CA10: variants seen among roughly 807,000 people sequenced by gnomAD.
CA10 encodes the protein carbonic anhydrase 10 (inactive), also known as carbonic anhydrase-related protein 10.
Under a neutral mutation model 44.2 loss-of-function variants are expected in CA10, and 14 were observed. The observed-to-expected ratio is 0.32, with a 90% CI of 0.21 to 0.50. The LOEUF is 0.50. Among genes scored for constraint, CA10 ranks in the 20% least tolerant of loss-of-function variants. The pLI is 0.99. For synonymous variants in CA10, 159 were observed against 141.6 expected (o/e 1.12, Z -0.87); for missense variants, 350 against 409.7 (o/e 0.85, Z 1.26).
intron 1 of CA10, among the ~76,000 whole-genome samples, chr17:52,152,507 A>G (rs1056558408): frequency 2.6e-5 from 4 of 152,040 alleles, no homozygotes; most frequent in African/African-American, 9.7e-5. Flanking sequence ...TCAATCTAAT[A>G]TACTCCTTTT....
intron 1 of CA10, among the ~76,000 whole-genome samples, chr17:52,121,370 G>A (rs749206236): frequency 6.6e-6 from 1 of 152,010 alleles, no homozygotes; most frequent in Non-Finnish European, 1.5e-5. Context: ...CATTAAAATA[G>A]GGAGAAGACC....
chr17:51,875,682 AT>A (rs1336736530), intron 3 of CA10, among the ~76,000 whole-genome samples: 1 of 151,280 alleles, frequency 6.6e-6, no homozygotes, highest in South Asian at 2.1e-4. Context: ...ACTAAAGTTT[AT>A]TTTTTGGGGG....
chr17:51,936,609 G>T (rs1373265067), intron 2 of CA10, among the ~76,000 whole-genome samples: 2 of 152,168 alleles, frequency 1.3e-5, no homozygotes, highest in Non-Finnish European at 2.9e-5. Context: ...AGAGCGAAAT[G>T]AGATGGGGGC....
chr17:51,935,364 C>T (rs1342574831), intron 2 of CA10, among the ~76,000 whole-genome samples: 2 of 152,132 alleles, frequency 1.3e-5, no homozygotes, highest in African/African-American at 2.4e-5. Flanking sequence ...ATCAATACAA[C>T]TTACTGTTGA....
At chr17:51,978,366 CTGTGTGTGTGTCTGTATG>C (rs1327580436) in intron 2 of CA10, among the ~76,000 whole-genome samples, 55 of 149,876 alleles carry the variant, frequency 3.7e-4, no homozygotes, top group Non-Finnish European at 6.7e-4. Flanking sequence ...ATACTCATAT[CTGTGTGTGTGTCTGTATG>C]TGTGTGTGTG....
At chr17:51,645,965 A>T (rs1329860721) in intron 6 of CA10, among the ~76,000 whole-genome samples, 1 of 152,142 alleles carries the variant, frequency 6.6e-6, no homozygotes, top group East Asian at 1.9e-4. Context: ...TCTTCCCTCT[A>T]CCATGAGAAC....
chr17:51,687,982 AC>A lies in CA10; in HGVS notation c.466-34247del, dbSNP rs1457261196. Among the ~76,000 whole-genome samples, 13 of 152,316 alleles carry A rather than the reference AC, an allele frequency of 8.5e-5. No homozygotes were observed. The East Asian group carries it at 2.1e-3, about 25-fold the overall frequency. On this transcript the variant is annotated intron_variant, in intron 4 of 8. Transcript: ENST00000451037. ...AAACCAACAGGATATTAAGTAAATG[AC>A]AGTGTGCGACTTCCAGGGCCACATC...
intron 4 of CA10, among the ~76,000 whole-genome samples, chr17:51,706,859 C>T (rs915487693): frequency 6.6e-6 from 1 of 152,106 alleles, no homozygotes; most frequent in African/African-American, 2.4e-5. Flanking sequence ...CTGGCCTTTC[C>T]ATCTCCTTTA....
At chr17:51,864,290 C>A (rs1567865454) in intron 3 of CA10, among the ~76,000 whole-genome samples, 1 of 152,062 alleles carries the variant, frequency 6.6e-6, no homozygotes, top group Admixed American at 6.6e-5. Context: ...ATTATGCACC[C>A]TAAGTTGCTT....
rs142907193 is a variant in CA10 at position 51,684,728 on chromosome 17, C to T, written c.466-30992G>A. 3.9e-5 allele frequency among the ~76,000 whole-genome samples: 6 copies of T among 152,282 alleles called. No homozygotes were observed. The East Asian group carries it at 5.8e-4, about 15-fold the overall frequency. On this transcript the variant is annotated intron_variant, in intron 4 of 8. Transcript: ENST00000451037. The stretch of plus-strand genomic sequence containing the variant: ...TATGCCTACATGACCTCTGTACATC[C>T]GGATCCACCACCTGGCCCAGAGTTG...
At chr17:52,041,613 C>T (rs1327264018) in intron 2 of CA10, among the ~76,000 whole-genome samples, 11 of 152,020 alleles carry the variant, frequency 7.2e-5, no homozygotes, top group Admixed American at 5.9e-4. Context: ...CTACTCCTTT[C>T]GTGAATTAAA....
At chr17:52,111,153 C>A (rs1270262700) in intron 1 of CA10, among the ~76,000 whole-genome samples, 1 of 151,800 alleles carries the variant, frequency 6.6e-6, no homozygotes, top group African/African-American at 2.4e-5. Flanking sequence ...TCAGAATTGC[C>A]AAGACTACAC....
intron 2 of CA10, among the ~76,000 whole-genome samples, chr17:51,976,574 A>G (rs1215354434): frequency 6.7e-6 from 1 of 149,208 alleles, no homozygotes; most frequent in East Asian, 2.1e-4. Flanking sequence ...AACACTATGT[A>G]TTAAAATTTG....
chr17:51,767,726 CTT>C (rs1034126674), intron 3 of CA10, among the ~76,000 whole-genome samples: 3 of 143,086 alleles, frequency 2.1e-5, no homozygotes. Context: ...GAGCCCCGAG[CTT>C]TTTTTTTTTG....
intron 2 of CA10, among the ~76,000 whole-genome samples, chr17:51,943,746 G>T (rs1027174258): frequency 6.6e-6 from 1 of 152,142 alleles, no homozygotes; most frequent in Non-Finnish European, 1.5e-5. Flanking sequence ...CCATGCAATT[G>T]TCCATAGGTC....
intron 3 of CA10, among the ~76,000 whole-genome samples, chr17:51,923,279 T>C (rs181945275): frequency 3.2e-4 from 49 of 152,302 alleles, no homozygotes; most frequent in Admixed American, 6.5e-4. Context: ...CTTCTGCATA[T>C]AGAGTAAGAT....
At chr17:51,983,318 T>C (rs1313104139) in intron 2 of CA10, among the ~76,000 whole-genome samples, 1 of 151,852 alleles carries the variant, frequency 6.6e-6, no homozygotes, top group Non-Finnish European at 1.5e-5. Context: ...TAACTTTTCT[T>C]TCTTTCCTAA....
At chr17:51,863,800 A>C (rs1979422328) in intron 3 of CA10, among the ~76,000 whole-genome samples, 1 of 152,164 alleles carries the variant, frequency 6.6e-6, no homozygotes. Context: ...CTAAATGTGA[A>C]ACTCCCACCA....
intron 3 of CA10, among the ~76,000 whole-genome samples, chr17:51,750,230 G>A (rs186956396): frequency 8.8e-4 from 134 of 152,024 alleles, no homozygotes; most frequent in African/African-American, 3.2e-3. Context: ...AATTAAACAG[G>A]AATCACCACT....
Sources: gnomAD v4.1 joint callset for allele counts (sites outside exome capture counted in the v4.1 genomes callset) on GRCh38, gnomAD v4.1.1 for gene constraint, MANE v1.5 for transcripts, NCBI Gene and HGNC (gene_info 2026-07-23, HGNC 2026-07-21) for gene names.